Variants in CC2D2A observed in about 807,000 individuals in gnomAD.
The protein encoded by CC2D2A is coiled-coil and C2 domain-containing protein 2A.
CC2D2A carries 155 observed loss-of-function variants against 212.9 expected under a neutral mutation model. That is an observed-to-expected ratio of 0.73 (90% CI 0.64 to 0.83). The LOEUF (loss-of-function observed/expected upper bound fraction) is 0.83, where lower values mean the gene tolerates loss of function less well. CC2D2A is among the 40% of genes least tolerant of loss of function. CC2D2A has a pLI of 0.00. For synonymous variants in CC2D2A, 667 were observed against 686.5 expected, an observed-to-expected ratio of 0.97 and a Z score of 0.44; for missense variants, 1,856 against 1,956.2, an observed-to-expected ratio of 0.95 and a Z score of 0.97.
chr4:15,488,194 T>C lies in CC2D2A; in HGVS notation c.247+7367T>C, dbSNP rs186230491. Among the ~76,000 whole-genome samples, 62 of 152,328 alleles carry C rather than the reference T, an allele frequency of 4.1e-4. 1 individual carries two copies. Among genetic ancestry groups the C allele is most frequent in the Non-Finnish European group, 3.4e-4 (23 of 68,020 alleles). On this transcript the variant is annotated intron_variant, in intron 4 of 36. Transcript: ENST00000424120. Reference sequence around the variant, plus strand: ...ATTTCTTATTGCTCATTAGCATTCTTCTCTTTTAGATTGAAGAACTCCCTT... The same window carrying C: ...ATTTCTTATTGCTCATTAGCATTCTCCTCTTTTAGATTGAAGAACTCCCTT...
At chr4:15,475,876 G>C in intron 1 of CC2D2A, 39 bp from the exon 2 acceptor site, 1 of 1,459,668 alleles carries the variant, frequency 6.9e-7, no homozygotes, top group Non-Finnish European at 9.4e-7. Flanking sequence ...ATATTTCATT[G>C]ATTTCAAAAT....
chr4:15,581,273 T>G (rs956726868), intron 30 of CC2D2A, among the ~76,000 whole-genome samples: 4 of 152,244 alleles, frequency 2.6e-5, no homozygotes, highest in Non-Finnish European at 4.4e-5. Flanking sequence ...GGACTTCTAT[T>G]CTACCTAGCA....
chr4:15,528,752 T>TA, intron 13 of CC2D2A, 26 bp downstream of exon 13: 1 of 1,528,972 alleles, frequency 6.5e-7, no homozygotes, highest in East Asian at 2.3e-5. Flanking sequence ...TAAGTGTAAC[T>TA]ACTTTTTTTC....
intron 4 of CC2D2A, chr4:15,481,132 C>T: frequency 2.1e-6 from 1 of 469,730 alleles, no homozygotes; most frequent in Non-Finnish European, 4.2e-6. Flanking sequence ...CATGAGGGCA[C>T]AACTCATGAA....
chr4:15,558,388 AT>A (rs1719397157), intron 21 of CC2D2A, among the ~76,000 whole-genome samples: 2 of 152,164 alleles, frequency 1.3e-5, no homozygotes, highest in Non-Finnish European at 2.9e-5. Context: ...TTACTGGATG[AT>A]GAAATCTCAA....
chr4:15,541,844 C>T (rs1002088746), intron 17 of CC2D2A, among the ~76,000 whole-genome samples: 2 of 151,956 alleles, frequency 1.3e-5, no homozygotes, highest in African/African-American at 4.8e-5. Context: ...AACAAGGAAC[C>T]ACTAACTTGG....
chr4:15,591,113 T>C (rs1721084853), intron 33 of CC2D2A, among the ~76,000 whole-genome samples: 1 of 152,220 alleles, frequency 6.6e-6, no homozygotes, highest in African/African-American at 2.4e-5. Flanking sequence ...TTATGAATTA[T>C]ATATATTTTC....
Position 15,528,698 on chromosome 4 carries a change from A to G in CC2D2A, c.1438A>G (p.Thr480Ala), listed in dbSNP as rs1194019798. The change falls in exon 13 of 37, where the codon ACC becomes GCC. Residue 480 changes from threonine to alanine, a missense_variant. By Grantham distance (58) the Thr-to-Ala change is moderately conservative. Coordinates refer to ENST00000424120, the MANE Select transcript of CC2D2A (RefSeq NM_001378615.1). ...PHQSLDTIQKTINEYKSEIRQ... is the reference protein window; with the variant it reads ...PHQSLDTIQKAINEYKSEIRQ... ...TCAGTCTCTCGATACCATCCAAAAAACCATCAATGAGTATAAATCTGAAAT... is the reference window on the plus strand; with the variant it reads ...TCAGTCTCTCGATACCATCCAAAAAGCCATCAATGAGTATAAATCTGAAAT... The G allele has an allele frequency of 1.2e-6, 2 of 1,612,478 alleles. No homozygotes were observed. Among genetic ancestry groups the G allele is most frequent in the East Asian group, 2.2e-5 (1 of 44,872 alleles).
At chr4:15,600,490 T>C (rs893141155) in intron 36 of CC2D2A, among the ~76,000 whole-genome samples, 11 of 152,168 alleles carry the variant, frequency 7.2e-5, no homozygotes, top group Admixed American at 2.6e-4. Flanking sequence ...TCTGCGCACA[T>C]ACTACCCAAA....
chr4:15,541,042 C>T lies in CC2D2A; in HGVS notation c.2181+28C>T, dbSNP rs571078553. ...ACACATTTTAATTATAGTTACTGGC[C>T]GGGCACTGTGGCTCATGCCTGTACT... On this transcript the variant is annotated intron_variant, in intron 17 of 36. Coordinates refer to ENST00000424120, the MANE Select transcript of CC2D2A (RefSeq NM_001378615.1). 71 of 1,500,362 alleles carry T rather than the reference C, an allele frequency of 4.7e-5. No homozygotes were observed. In the South Asian group the frequency reaches 4.8e-4, roughly 10 times the overall value. 92.9% of individuals were successfully genotyped at this position (1,500,362 alleles called of 1,614,324 possible).
intron 21 of CC2D2A, 60 bp from the exon 22 acceptor site, chr4:15,559,105 C>T (rs944302960): frequency 7.5e-6 from 7 of 933,344 alleles, no homozygotes; most frequent in African/African-American, 6.8e-5. Flanking sequence ...TAAATAATTA[C>T]CTGATCTTAA....
In CC2D2A at chr4:15,563,413, A is replaced by G; in HGVS notation, c.3073A>G (p.Arg1025Gly). The change falls in exon 24 of 37, where the codon AGA becomes GGA. Residue 1025 changes from arginine to glycine, a missense_variant. By Grantham distance (125) the Arg-to-Gly change is moderately radical. Around this residue, in one of 5 missense-constraint regions of CC2D2A, gnomAD observed 1,512 missense variants for 1,579.3 expected, o/e 0.96. Transcript: ENST00000424120. Reference sequence around the variant, plus strand: ...ACAAAAGCGACCACTGCGGCCAAGGAGAAAAGGTCGGAAGAAGGTGACAGC... The same window carrying G: ...ACAAAAGCGACCACTGCGGCCAAGGGGAAAAGGTCGGAAGAAGGTGACAGC... ...AEQKRPLRPR[R>G]KGRKKVTAQN... The G allele has an allele frequency of 6.2e-7, 1 of 1,609,506 alleles. No individual in the cohort carries two copies. The highest frequency in any genetic ancestry group is 8.5e-7 in the Non-Finnish European group (1 of 1,177,882).
At chr4:15,521,733 C>T (rs1355101313) in intron 11 of CC2D2A, among the ~76,000 whole-genome samples, 1 of 152,214 alleles carries the variant, frequency 6.6e-6, no homozygotes, top group East Asian at 1.9e-4. Context: ...AATAAAAGCG[C>T]AAATTGAATG....
chr4:15,504,707 A>G (rs968713631), intron 6 of CC2D2A, among the ~76,000 whole-genome samples: 65 of 152,198 alleles, frequency 4.3e-4, no homozygotes, highest in Admixed American at 5.9e-4. Flanking sequence ...GACTTGGCTT[A>G]TATGTTCATA....
chr4:15,563,258 C>A, intron 23 of CC2D2A, 97 bp from the exon 24 acceptor site: 1 of 1,170,204 alleles, frequency 8.5e-7, no homozygotes, highest in Non-Finnish European at 1.2e-6. Flanking sequence ...TTTTCAGGGG[C>A]GTGTGCAGGA....
chr4:15,498,862 T>C (rs911035968), intron 4 of CC2D2A, among the ~76,000 whole-genome samples: 5 of 152,228 alleles, frequency 3.3e-5, no homozygotes, highest in Non-Finnish European at 5.9e-5. Context: ...ATAATATCCC[T>C]CACACCATCA....
In CC2D2A at chr4:15,601,419, C is replaced by G; in HGVS notation, c.4857C>G (p.Asn1619Lys). The G allele has an allele frequency of 6.8e-7, 1 of 1,469,008 alleles. No homozygotes were observed. Among genetic ancestry groups the G allele is most frequent in the Non-Finnish European group, 9.0e-7 (1 of 1,105,146 alleles). 91.0% of individuals were successfully genotyped at this position (1,469,008 alleles called of 1,614,324 possible). A position where few individuals can be genotyped will look rare whatever the true frequency, so the allele number is the denominator to read the frequency against. Residue 1619 changes from asparagine (N) to lysine (K), a missense_variant, in exon 37 of 37, where the codon AAC becomes AAG. Physicochemically the swap from Asn to Lys is moderately conservative, Grantham distance 94 (BLOSUM62 0). Transcript: ENST00000424120. Reference sequence around the variant, plus strand: ...TCTATGTTGCCTCTCTTATACGCAACAGGTAATTTTTTTCACTGTACTTTC... The same window carrying G: ...TCTATGTTGCCTCTCTTATACGCAAGAGGTAATTTTTTTCACTGTACTTTC... ...VWIYVASLIRNR is the reference protein window; with the variant it reads ...VWIYVASLIRKR
chr4:15,494,042 A>C (rs528480228), intron 4 of CC2D2A, among the ~76,000 whole-genome samples: 1 of 152,212 alleles, frequency 6.6e-6, no homozygotes, highest in East Asian at 1.9e-4. Flanking sequence ...ACCTGTTAAT[A>C]TTTTTTTCCA....
intron 21 of CC2D2A, among the ~76,000 whole-genome samples, chr4:15,557,736 T>C (rs1198197565): frequency 6.6e-6 from 1 of 152,242 alleles, no homozygotes; most frequent in Non-Finnish European, 1.5e-5. Flanking sequence ...ACCAGGATTC[T>C]GAGTCAACTG....
Sources: allele counts gnomAD v4.1 joint callset (sites outside exome capture counted in the v4.1 genomes callset), GRCh38; gene constraint gnomAD v4.1.1; regional missense constraint gnomAD v4.1.1; transcripts MANE v1.5; gene names NCBI Gene and HGNC (gene_info 2026-07-23, HGNC 2026-07-21).